ENOX1: variants seen among roughly 807,000 people sequenced by gnomAD.
ENOX1 encodes ecto-NOX disulfide-thiol exchanger 1, also known as candidate growth-related and time keeping constitutive hydroquinone (NADH) oxidase.
Under a neutral mutation model 82.5 loss-of-function variants are expected in ENOX1, and 42 were observed. The observed-to-expected ratio is 0.51, with a 90% CI of 0.40 to 0.66. ENOX1 has a LOEUF of 0.66. Among genes scored for constraint, ENOX1 ranks in the 30% least tolerant of loss-of-function variants. ENOX1 has a pLI of 0.00. For missense variants in ENOX1, 608 were observed against 811.6 expected (o/e 0.75, Z 3.05); for synonymous variants, 271 against 282.2 (o/e 0.96, Z 0.40).
At chr13:43,648,224 G>A (rs976631119) in intron 2 of ENOX1, among the ~76,000 whole-genome samples, 6 of 152,166 alleles carry the variant, frequency 3.9e-5, no homozygotes, top group Admixed American at 3.9e-4. Context: ...TAAGCAACAG[G>A]AAAGCATGTA....
chr13:43,780,918 C>T (rs1181826113), intron 1 of ENOX1, among the ~76,000 whole-genome samples: 1 of 152,238 alleles, frequency 6.6e-6, no homozygotes, highest in Non-Finnish European at 1.5e-5. Context: ...ACCTTGGTCA[C>T]ATTCCAGTCT....
Position 43,608,136 on chromosome 13 carries a change from T to A in ENOX1, c.-219+59343A>T, listed in dbSNP as rs530981875. On this transcript the variant is annotated intron_variant, in intron 2 of 16. Transcript: ENST00000690772. ...CTCTTCACTAAAGACATTTCAGTAA[T>A]TGACTCCTTAATTCAATAAATGAAA... Among the ~76,000 whole-genome samples the A allele has an allele frequency of 2.0e-5, 3 of 152,340 alleles. No individual in the cohort carries two copies. The East Asian group carries it at 5.8e-4, about 29-fold the overall frequency.
chr13:43,243,692 A>G (rs1350351256), intron 14 of ENOX1, among the ~76,000 whole-genome samples: 1 of 152,160 alleles, frequency 6.6e-6, no homozygotes, highest in African/African-American at 2.4e-5. Context: ...CACCAGGTCA[A>G]TTTTCTAATA....
chr13:43,231,599 C>T (rs1335640245), intron 15 of ENOX1, among the ~76,000 whole-genome samples: 1 of 152,134 alleles, frequency 6.6e-6, no homozygotes, highest in Non-Finnish European at 1.5e-5. Context: ...GTTCCTGGTA[C>T]CTGAAATGCC....
intron 2 of ENOX1, among the ~76,000 whole-genome samples, chr13:43,578,742 CT>C (rs1484574337): frequency 6.6e-6 from 1 of 152,178 alleles, no homozygotes; most frequent in Non-Finnish European, 1.5e-5. Flanking sequence ...ACTGCTTTGT[CT>C]GCAACCACCC....
chr13:43,448,916 G>A (rs2056804875), intron 3 of ENOX1, among the ~76,000 whole-genome samples: 1 of 152,226 alleles, frequency 6.6e-6, no homozygotes, highest in Non-Finnish European at 1.5e-5. Context: ...GGTCTGCAGG[G>A]CTGAATCGAG....
chr13:43,246,339 A>G (rs1384352276), intron 14 of ENOX1, among the ~76,000 whole-genome samples: 2 of 152,178 alleles, frequency 1.3e-5, no homozygotes, highest in Non-Finnish European at 2.9e-5. Context: ...TTGCGTGGAT[A>G]TTGAGTGCCT....
rs570941280 is a variant in ENOX1, at chr13:43,365,042, T to C, written c.209-3590A>G. Among the ~76,000 whole-genome samples, 5 of 152,258 alleles carry C rather than the reference T, an allele frequency of 3.3e-5. No homozygotes were observed. In the South Asian group the frequency reaches 1.0e-3, roughly 32 times the overall value. On this transcript the variant is annotated intron_variant, in intron 5 of 16. Transcript: ENST00000690772. ...TCAAGCTAGTGAATTTCAACTTTGC[T>C]CTCCCTGGAACTCAGAGTCAGAGAT... is the stretch of plus-strand genomic sequence containing the variant.
intron 11 of ENOX1, among the ~76,000 whole-genome samples, chr13:43,306,919 C>T (rs1412700297): frequency 2.0e-5 from 3 of 152,212 alleles, no homozygotes; most frequent in Non-Finnish European, 4.4e-5. Context: ...GAAATGATGG[C>T]CAGCTCAAAC....
intron 2 of ENOX1, among the ~76,000 whole-genome samples, chr13:43,533,885 T>A: frequency 6.6e-6 from 1 of 152,148 alleles, no homozygotes; most frequent in East Asian, 1.9e-4. Flanking sequence ...CACCCATTTT[T>A]TAGTAGGCCA....
At position 43,447,216 on chromosome 13, in the gene ENOX1, G is replaced by A. The variant is rs528317423; in HGVS notation, c.-74-34228C>T. Among the ~76,000 whole-genome samples the A allele has an allele frequency of 8.5e-5, 13 of 152,316 alleles. No homozygotes were observed. The South Asian group carries it at 1.0e-3, about 12-fold the overall frequency. On this transcript the variant is annotated intron_variant, in intron 3 of 16. Transcript: ENST00000690772. ...TTCTTCTGGATAAACTGTCTGATTC[G>A]TGTGTATATCCCAAGGGCCCAGCAC... is the stretch of plus-strand genomic sequence containing the variant.
chr13:43,562,272 CTT>C (rs1402593998), intron 2 of ENOX1, among the ~76,000 whole-genome samples: 2 of 151,972 alleles, frequency 1.3e-5, no homozygotes, highest in Non-Finnish European at 2.9e-5. Flanking sequence ...ATACTCTTCT[CTT>C]TATTAGTTTG....
At chr13:43,722,265 T>C (rs1361695801) in intron 1 of ENOX1, among the ~76,000 whole-genome samples, 1 of 152,186 alleles carries the variant, frequency 6.6e-6, no homozygotes, top group Non-Finnish European at 1.5e-5. Flanking sequence ...GGAAATTAAC[T>C]GGAATGATGA....
intron 2 of ENOX1, among the ~76,000 whole-genome samples, chr13:43,565,368 C>A (rs140670798): frequency 3.2e-4 from 48 of 152,290 alleles, no homozygotes; most frequent in African/African-American, 1.1e-3. Flanking sequence ...GTCAAGCACA[C>A]ATTTCTCCCT....
chr13:43,759,034 C>G (rs1049932122), intron 1 of ENOX1, among the ~76,000 whole-genome samples: 1 of 151,154 alleles, frequency 6.6e-6, no homozygotes, highest in Non-Finnish European at 1.5e-5. Context: ...ACCTTACAAA[C>G]AGCTAGAGAA....
chr13:43,506,392 T>C (rs2077164042), intron 2 of ENOX1, among the ~76,000 whole-genome samples: 1 of 150,836 alleles, frequency 6.6e-6, no homozygotes, highest in Non-Finnish European at 1.5e-5. Context: ...TTAGTGGGAC[T>C]GTAAACTAGT....
intron 5 of ENOX1, among the ~76,000 whole-genome samples, chr13:43,403,794 C>A (rs1037305563): frequency 6.6e-6 from 1 of 151,706 alleles, no homozygotes; most frequent in African/African-American, 2.4e-5. Context: ...GAGCTGTGAT[C>A]AGGCCATTGC....
chr13:43,491,994 T>C (rs75266373), intron 2 of ENOX1, among the ~76,000 whole-genome samples: 4,042 of 152,244 alleles, frequency 0.027, 83 homozygotes, highest in Admixed American at 0.065. Context: ...CTATGTTATA[T>C]AGTGAATCTC....
chr13:43,675,765 A>C (rs1344030564), intron 1 of ENOX1, among the ~76,000 whole-genome samples: 1 of 152,080 alleles, frequency 6.6e-6, no homozygotes, highest in Non-Finnish European at 1.5e-5. Context: ...GCCGTACATC[A>C]CACCCTCTGC....
Sources: gnomAD v4.1 joint callset for allele counts (sites outside exome capture counted in the v4.1 genomes callset) on GRCh38, gnomAD v4.1.1 for gene constraint, MANE v1.5 for transcripts, NCBI Gene and HGNC (gene_info 2026-07-23, HGNC 2026-07-21) for gene names.